The following TAOK1 variants were observed in gnomAD, a reference collection of about 807,000 sequenced individuals.
The protein encoded by TAOK1 is serine/threonine-protein kinase TAO1.
Under a neutral mutation model 138.3 loss-of-function variants are expected in TAOK1, and 21 were observed. That is an observed-to-expected ratio of 0.15 (90% CI 0.11 to 0.22). The LOEUF is 0.22. Among genes scored for constraint, TAOK1 ranks in the 10% least tolerant of loss-of-function variants. TAOK1 has a pLI of 1.00. For synonymous variants in TAOK1, 361 were observed against 398.4 expected (o/e 0.91, Z 1.12); for missense variants, 651 against 1,227.7 (o/e 0.53, Z 7.02).
At chr17:29,533,915 T>C (rs1288185581) in intron 18 of TAOK1, among the ~76,000 whole-genome samples, 1 of 152,078 alleles carries the variant, frequency 6.6e-6, no homozygotes, top group African/African-American at 2.4e-5. Flanking sequence ...AAATAGCTTA[T>C]GATAGCTTTA....
At chr17:29,393,117 A>G (rs1443446113) in intron 1 of TAOK1, among the ~76,000 whole-genome samples, 2 of 152,152 alleles carry the variant, frequency 1.3e-5, no homozygotes, top group East Asian at 1.9e-4. Flanking sequence ...TGTTGTTGAT[A>G]TGTAGAGTTT....
At position 29,495,952 on chromosome 17, in the gene TAOK1, G is replaced by A. The variant is rs114509603; in HGVS notation, c.999+225G>A. 5.0e-3 allele frequency among the ~76,000 whole-genome samples: 756 copies of A among 152,160 alleles called. 12 individuals carry two copies. The highest frequency in any genetic ancestry group is 0.018 in the African/African-American group (730 of 41,502). On this transcript the variant is annotated intron_variant, in intron 11 of 19. Transcript: ENST00000261716. Reference sequence around the variant, plus strand: ...TTTTTTTAAGTCTTTAATCATGTTAGATTGCATGCTCTAAATCCAACCCCT... The same window carrying A: ...TTTTTTTAAGTCTTTAATCATGTTAAATTGCATGCTCTAAATCCAACCCCT...
At chr17:29,411,804 C>G (rs940895164) in intron 1 of TAOK1, among the ~76,000 whole-genome samples, 1 of 151,986 alleles carries the variant, frequency 6.6e-6, no homozygotes, top group African/African-American at 2.4e-5. Flanking sequence ...ACCAATGTAT[C>G]TACTAAGATT....
rs1001967973 is a variant in TAOK1, at chr17:29,520,705, G to A, written c.1909-1575G>A. Among the ~76,000 whole-genome samples the A allele has an allele frequency of 5.5e-5, 8 of 145,062 alleles. No homozygotes were observed. In the South Asian group the frequency reaches 7.5e-4, roughly 14 times the overall value. On this transcript the variant is annotated intron_variant, in intron 16 of 19. Coordinates refer to ENST00000261716, the MANE Select transcript of TAOK1 (RefSeq NM_020791.4). ...GCTGGGATTACAGGCGTGAGCCACC[G>A]TGCCCAGCCAAAAAATTTTTTTTTA... is the stretch of plus-strand genomic sequence containing the variant.
intron 5 of TAOK1, 96 bp downstream of exon 5, chr17:29,477,802 C>A: frequency 1.4e-6 from 1 of 711,568 alleles, no homozygotes; most frequent in Non-Finnish European, 2.0e-6. Flanking sequence ...TAATGTAAAA[C>A]TTTCCAGAAA....
intron 1 of TAOK1, among the ~76,000 whole-genome samples, chr17:29,446,354 C>T (rs1398977118): frequency 6.6e-6 from 1 of 152,064 alleles, no homozygotes; most frequent in Non-Finnish European, 1.5e-5. Context: ...CCATTCTCCT[C>T]CCTCAGCCTA....
chr17:29,505,865 G>C (rs2031621271), intron 13 of TAOK1, among the ~76,000 whole-genome samples: 1 of 152,174 alleles, frequency 6.6e-6, no homozygotes, highest in African/African-American at 2.4e-5. Flanking sequence ...AACCTAGGAG[G>C]CAAAGGCTGC....
intron 1 of TAOK1, among the ~76,000 whole-genome samples, chr17:29,426,125 C>A (rs1382876375): frequency 6.6e-6 from 1 of 152,186 alleles, no homozygotes; most frequent in African/African-American, 2.4e-5. Flanking sequence ...CGTGATCCAC[C>A]TGCCTCAGCC....
intron 19 of TAOK1, among the ~76,000 whole-genome samples, chr17:29,542,302 A>G (rs1352235958): frequency 6.6e-6 from 1 of 152,168 alleles, no homozygotes; most frequent in Non-Finnish European, 1.5e-5. Context: ...TATTCAAGTT[A>G]TGGGTGCACT....
chr17:29,503,395 CAAAAAAAA>C (rs5819870), intron 13 of TAOK1, among the ~76,000 whole-genome samples: 2 of 84,972 alleles, frequency 2.4e-5, no homozygotes, highest in East Asian at 6.9e-4. Context: ...GACTCTGTCT[CAAAAAAAA>C]AAAAAAAAAA....
intron 3 of TAOK1, among the ~76,000 whole-genome samples, chr17:29,469,992 T>TTAAATC (rs1346092745): frequency 6.6e-6 from 1 of 152,214 alleles, no homozygotes; most frequent in East Asian, 1.9e-4. Context: ...GTATATGATC[T>TTAAATC]TAAATCTAGT....
chr17:29,489,866 T>G (rs2031260727), intron 9 of TAOK1, 109 bp downstream of exon 9: 2 of 634,606 alleles, frequency 3.2e-6, no homozygotes, highest in East Asian at 6.4e-5. Flanking sequence ...TATCACCTTA[T>G]AAGATATTAA....
chr17:29,399,801 G>A (rs539002921), intron 1 of TAOK1, among the ~76,000 whole-genome samples: 57 of 152,132 alleles, frequency 3.7e-4, no homozygotes, highest in South Asian at 3.7e-3. Context: ...TGAGATCAAA[G>A]TTCACTACAG....
chr17:29,496,579 CTT>C (rs748595265), intron 11 of TAOK1, among the ~76,000 whole-genome samples: 18,066 of 87,748 alleles, frequency 0.21, 1,986 homozygotes, highest in Middle Eastern at 0.28. Context: ...CCATCTACAC[CTT>C]TTTTTTTTTT....
At chr17:29,470,296 A>C (rs2153025969) in intron 3 of TAOK1, among the ~76,000 whole-genome samples, 1 of 152,334 alleles carries the variant, frequency 6.6e-6, no homozygotes, top group South Asian at 2.1e-4. Flanking sequence ...TATAGGTATT[A>C]GTGAATAAGG....
intron 10 of TAOK1, among the ~76,000 whole-genome samples, chr17:29,492,988 A>G (rs1383782981): frequency 1.3e-5 from 2 of 151,302 alleles, no homozygotes; most frequent in Admixed American, 6.6e-5. Context: ...TAATAATACA[A>G]AAATTAGCTG....
chr17:29,454,083 C>A (rs1285962796), intron 2 of TAOK1, among the ~76,000 whole-genome samples: 1 of 150,886 alleles, frequency 6.6e-6, no homozygotes, highest in African/African-American at 2.4e-5. Context: ...CACAAAAGTG[C>A]TGAGATTATA....
intron 19 of TAOK1, among the ~76,000 whole-genome samples, chr17:29,535,162 T>G (rs779631033): frequency 9.9e-5 from 15 of 151,286 alleles, no homozygotes; most frequent in Admixed American, 2.0e-4. Context: ...TATTTAAAAA[T>G]TAGCTGAGTG....
intron 2 of TAOK1, 102 bp from the exon 3 acceptor site, chr17:29,467,043 T>C: frequency 1.3e-6 from 1 of 769,912 alleles, no homozygotes; most frequent in Non-Finnish European, 1.9e-6. Context: ...GATGTCCTTT[T>C]TGACATGGTA....
Sources: allele counts gnomAD v4.1 joint callset (sites outside exome capture counted in the v4.1 genomes callset), GRCh38; gene constraint gnomAD v4.1.1; transcripts MANE v1.5; gene names NCBI Gene and HGNC (gene_info 2026-07-23, HGNC 2026-07-21).